Variants in WIPF1 observed in about 807,000 individuals in gnomAD.
WIPF1 encodes WAS/WASL-interacting protein family member 1.
In WIPF1, 13 loss-of-function variants were observed where a neutral mutation model predicts 35.4. That is an observed-to-expected ratio of 0.37 (90% CI 0.24 to 0.58). The LOEUF (loss-of-function observed/expected upper bound fraction) is 0.58, where lower values mean the gene tolerates loss of function less well. WIPF1 is among the 20% of genes least tolerant of loss of function. The pLI, the probability that WIPF1 is intolerant of heterozygous loss-of-function variation, is 0.74. For synonymous variants in WIPF1, 267 were observed against 266.3 expected, an observed-to-expected ratio of 1.00 and a Z score of -0.02; for missense variants, 591 against 667.0, an observed-to-expected ratio of 0.89 and a Z score of 1.25.
At chr2:174,637,843 C>T (rs114641058) in intron 1 of WIPF1, among the ~76,000 whole-genome samples, 8,089 of 152,166 alleles carry the variant, frequency 0.053, 675 homozygotes, top group African/African-American at 0.18. Context: ...AAATTCTGCA[C>T]TGGCTTAATC....
At chr2:174,629,145 C>T (rs1190625481) in intron 1 of WIPF1, among the ~76,000 whole-genome samples, 2 of 152,008 alleles carry the variant, frequency 1.3e-5, no homozygotes, top group Non-Finnish European at 2.9e-5. Flanking sequence ...CCTAGGGGTT[C>T]GAGACTGCAG....
At chr2:174,579,467 T>C (rs978534846) in intron 3 of WIPF1, among the ~76,000 whole-genome samples, 2 of 152,108 alleles carry the variant, frequency 1.3e-5, no homozygotes, top group African/African-American at 4.8e-5. Context: ...CCCAGGGAAG[T>C]TTCACATGCA....
intron 1 of WIPF1, chr2:174,665,355 T>C (rs1687868699): frequency 6.6e-6 from 1 of 152,266 alleles, no homozygotes; most frequent in Non-Finnish European, 1.5e-5. Flanking sequence ...AATTAAGACT[T>C]GGCCTCCTAA....
chr2:174,600,131 C>T (rs891874602), upstream of WIPF1, among the ~76,000 whole-genome samples: 1 of 152,182 alleles, frequency 6.6e-6, no homozygotes, highest in Non-Finnish European at 1.5e-5. Flanking sequence ...CAGCTGCTCA[C>T]TTCCTGCTGT....
At chr2:174,678,606 G>C (rs1252188902) in intron 1 of WIPF1, among the ~76,000 whole-genome samples, 1 of 152,254 alleles carries the variant, frequency 6.6e-6, no homozygotes, top group African/African-American at 2.4e-5. Flanking sequence ...TTTTACATCA[G>C]ATATCTCATG....
At chr2:174,670,176 T>C (rs1687981062) in intron 1 of WIPF1, among the ~76,000 whole-genome samples, 1 of 151,970 alleles carries the variant, frequency 6.6e-6, no homozygotes. Flanking sequence ...ATTCCTTGCT[T>C]TTCACTCCCT....
intron 7 of WIPF1, among the ~76,000 whole-genome samples, chr2:174,565,082 A>G (rs1684615748): frequency 6.6e-6 from 1 of 151,810 alleles, no homozygotes; most frequent in Non-Finnish European, 1.5e-5. Context: ...TTTAGTAGAG[A>G]CAGGTTTTCT....
At chr2:174,570,602 C>A (rs1684797531) in intron 5 of WIPF1, 1 of 151,128 alleles carries the variant, frequency 6.6e-6, no homozygotes, top group African/African-American at 2.4e-5. Flanking sequence ...TTTTAAATAT[C>A]CTGATTCCCA....
In WIPF1 at chr2:174,562,367, T is replaced by C; in HGVS notation, c.*180A>G. The C allele has an allele frequency of 1.3e-6, 2 of 1,482,372 alleles. No homozygotes were observed. The highest frequency in any genetic ancestry group is 2.4e-5 in the Admixed American group (1 of 41,396). 91.8% of individuals were successfully genotyped at this position (1,482,372 alleles called of 1,614,324 possible). ...AATAGCCTGGAGAATAAACACAATATGAAAAGCTAGGTGCATTTCTTACCG... is the reference window on the plus strand; with the variant it reads ...AATAGCCTGGAGAATAAACACAATACGAAAAGCTAGGTGCATTTCTTACCG... On this transcript the variant is annotated 3_prime_UTR_variant, in exon 8 of 8. Coordinates refer to ENST00000679041, the MANE Select transcript of WIPF1 (RefSeq NM_001375834.1).
chr2:174,632,741 T>A (rs114551365), intron 1 of WIPF1, among the ~76,000 whole-genome samples: 3,211 of 129,354 alleles, frequency 0.025, 119 homozygotes, highest in African/African-American at 0.084. Flanking sequence ...AAAAAAGACA[T>A]CAGGCCCATC....
chr2:174,566,917 A>G, intron 7 of WIPF1, 153 bp downstream of exon 7: 1 of 615,872 alleles, frequency 1.6e-6, no homozygotes. Context: ...CAATTTCCTC[A>G]CTGCCTGTGG....
chr2:174,571,931 G>A lies in WIPF1; in HGVS notation c.874C>T (p.Pro292Ser), dbSNP rs375093864. 3.7e-6 allele frequency: 6 copies of A among 1,600,868 alleles called. No individual in the cohort carries two copies. The highest frequency in any genetic ancestry group is 5.1e-6 in the Non-Finnish European group (6 of 1,173,762). Residue 292 changes from proline (P) to serine (S), a missense_variant, in exon 5 of 8, where the codon CCT (proline) becomes TCT (serine). Around this residue, in one of 3 missense-constraint regions of WIPF1, gnomAD observed 471 missense variants for 501.1 expected, o/e 0.94. Transcript: ENST00000679041. This position sits in a 1 kb window ranked among gnomAD's most constrained non-coding sequence, Gnocchi z 4.6. ...VPPPPPQNNKPPVPSTPRPSA... is the reference protein window; with the variant it reads ...VPPPPPQNNKSPVPSTPRPSA... ...GGCCGCGGAGTGGAAGGCACTGGAG[G>A]CTTGTTGTTCTGAGGAGGAGGAGGG...
At chr2:174,681,149 C>A (rs1279714689) in intron 1 of WIPF1, among the ~76,000 whole-genome samples, 1 of 152,180 alleles carries the variant, frequency 6.6e-6, no homozygotes, top group East Asian at 1.9e-4. Flanking sequence ...TTTCATGGAG[C>A]CAAAGTTATG....
At chr2:174,642,240 C>G (rs1687311099) in intron 1 of WIPF1, among the ~76,000 whole-genome samples, 4 of 152,048 alleles carry the variant, frequency 2.6e-5, no homozygotes, top group Admixed American at 2.6e-4. Flanking sequence ...CTCCTAGGGA[C>G]CCTGCATTCT....
intron 4 of WIPF1, among the ~76,000 whole-genome samples, chr2:174,573,055 G>T (rs374380519): frequency 7.2e-5 from 11 of 152,184 alleles, no homozygotes; most frequent in African/African-American, 2.4e-4. Context: ...AAGTTTAATT[G>T]TAAGAGTTGA....
At chr2:174,617,283 A>G (rs569592775) in intron 1 of WIPF1, among the ~76,000 whole-genome samples, 2 of 152,318 alleles carry the variant, frequency 1.3e-5, no homozygotes, top group Admixed American at 6.5e-5. Flanking sequence ...AACCCAGCAT[A>G]ACCTTTTGGG....
intron 1 of WIPF1, among the ~76,000 whole-genome samples, chr2:174,671,358 G>T (rs1047302970): frequency 6.6e-6 from 1 of 151,982 alleles, no homozygotes; most frequent in Non-Finnish European, 1.5e-5. Flanking sequence ...CGTCATTTTC[G>T]TAAGCTGAGG....
chr2:174,672,484 C>T (rs996132701), intron 1 of WIPF1, among the ~76,000 whole-genome samples: 18 of 152,134 alleles, frequency 1.2e-4, no homozygotes, highest in African/African-American at 1.7e-4. Context: ...TCCATGAGTT[C>T]GCTAAAATAT....
At chr2:174,597,022 C>T (rs914082170) in intron 1 of WIPF1, among the ~76,000 whole-genome samples, 2 of 152,084 alleles carry the variant, frequency 1.3e-5, no homozygotes, top group Admixed American at 6.5e-5. Context: ...ATTTGATTTG[C>T]GATAGTAATT....
Sources: gnomAD v4.1 joint callset for allele counts (sites outside exome capture counted in the v4.1 genomes callset) on GRCh38, gnomAD v4.1.1 for gene constraint, gnomAD v4.1.1 regional missense constraint, Gnocchi (gnomAD v3.1) non-coding constraint, MANE v1.5 for transcripts, NCBI Gene and HGNC (gene_info 2026-07-23, HGNC 2026-07-21) for gene names.